GNG12: variants seen among roughly 807,000 people sequenced by gnomAD.
GNG12 encodes guanine nucleotide-binding protein G(I)/G(S)/G(O) subunit gamma-12.
For missense variants in GNG12, 69 were observed against 83.8 expected, an observed-to-expected ratio of 0.82 and a Z score of 0.69; for synonymous variants, 28 against 29.7, an observed-to-expected ratio of 0.94 and a Z score of 0.19.
At chr1:67,740,084 T>A (rs1570502914) in intron 2 of GNG12, among the ~76,000 whole-genome samples, 1 of 152,330 alleles carries the variant, frequency 6.6e-6, no homozygotes, top group East Asian at 1.9e-4. Context: ...AAGGCATGAT[T>A]TTTCAAGATT....
rs149325016 is a variant in GNG12 at position 67,830,373 on chromosome 1, T to C, written c.-77+2971A>G. On this transcript the variant is annotated intron_variant, in intron 1 of 3. Coordinates refer to ENST00000370982, the MANE Select transcript of GNG12 (RefSeq NM_018841.6). Reference sequence around the variant, plus strand: ...TCAACAATGTGATGAGTAGATTTCCTGAATTAACTGAACACCCAATCTCAT... The same window carrying C: ...TCAACAATGTGATGAGTAGATTTCCCGAATTAACTGAACACCCAATCTCAT... Among the ~76,000 whole-genome samples the C allele has an allele frequency of 2.2e-3, 330 of 152,320 alleles. 2 individuals are homozygous for C. Among genetic ancestry groups the C allele is most frequent in the African/African-American group, 7.3e-3 (303 of 41,570 alleles).
intron 2 of GNG12, among the ~76,000 whole-genome samples, chr1:67,715,500 T>C (rs1646320400): frequency 1.3e-5 from 2 of 152,108 alleles, no homozygotes; most frequent in South Asian, 4.1e-4. Context: ...CTTGGGTTAT[T>C]TCTGCTGACA....
At chr1:67,712,094 T>A (rs1646299017) in intron 2 of GNG12, among the ~76,000 whole-genome samples, 1 of 152,228 alleles carries the variant, frequency 6.6e-6, no homozygotes, top group South Asian at 2.1e-4. Flanking sequence ...ACAGCTGGGC[T>A]GTGCACAACA....
At chr1:67,786,470 A>C (rs1360378074) in intron 1 of GNG12, among the ~76,000 whole-genome samples, 1 of 152,162 alleles carries the variant, frequency 6.6e-6, no homozygotes, top group Non-Finnish European at 1.5e-5. Flanking sequence ...TGGAGGGACA[A>C]TGACAGACAG....
At chr1:67,712,532 A>G (rs1646301407) in intron 2 of GNG12, among the ~76,000 whole-genome samples, 1 of 152,148 alleles carries the variant, frequency 6.6e-6, no homozygotes, top group South Asian at 2.1e-4. Context: ...TCTACAAATA[A>G]TAACAAAAAT....
At chr1:67,822,437 T>G (rs1379647398) in intron 1 of GNG12, among the ~76,000 whole-genome samples, 3 of 152,022 alleles carry the variant, frequency 2.0e-5, no homozygotes, top group African/African-American at 7.2e-5. Context: ...TAGGTACCCC[T>G]TCTAGGTACT....
intron 2 of GNG12, among the ~76,000 whole-genome samples, chr1:67,758,319 C>T (rs1416309141): frequency 1.3e-5 from 2 of 152,190 alleles, no homozygotes; most frequent in Non-Finnish European, 2.9e-5. Context: ...AATAAACAAA[C>T]AACCAAACCC....
At chr1:67,800,601 T>C (rs1248129302) in intron 1 of GNG12, among the ~76,000 whole-genome samples, 1 of 152,210 alleles carries the variant, frequency 6.6e-6, no homozygotes, top group Non-Finnish European at 1.5e-5. Flanking sequence ...CCTTATTATG[T>C]CACAGAGAAT....
At chr1:67,811,441 CA>C (rs1369754802) in intron 1 of GNG12, among the ~76,000 whole-genome samples, 1 of 152,140 alleles carries the variant, frequency 6.6e-6, no homozygotes, top group African/African-American at 2.4e-5. Flanking sequence ...ACCATAATTA[CA>C]AGGCAAACCC....
At chr1:67,760,373 C>T (rs902785438) in intron 2 of GNG12, among the ~76,000 whole-genome samples, 8 of 152,176 alleles carry the variant, frequency 5.3e-5, no homozygotes, top group Non-Finnish European at 8.8e-5. Context: ...GTTGGTAGGT[C>T]AATCAGTTCA....
intron 1 of GNG12, among the ~76,000 whole-genome samples, chr1:67,811,422 A>G (rs943545581): frequency 2.6e-5 from 4 of 152,142 alleles, no homozygotes; most frequent in Admixed American, 2.6e-4. Flanking sequence ...CACAACACTA[A>G]GCGATTCAAC....
intron 2 of GNG12, among the ~76,000 whole-genome samples, chr1:67,717,039 C>T (rs1646329366): frequency 6.6e-6 from 1 of 152,074 alleles, no homozygotes; most frequent in Non-Finnish European, 1.5e-5. Flanking sequence ...ACCTGGGGCA[C>T]TTGTTTAAGA....
intron 2 of GNG12, among the ~76,000 whole-genome samples, chr1:67,761,569 T>C (rs1570523168): frequency 6.6e-6 from 1 of 152,322 alleles, no homozygotes; most frequent in East Asian, 1.9e-4. Flanking sequence ...ACAACATTGC[T>C]TTGGGGTAAT....
intron 1 of GNG12, among the ~76,000 whole-genome samples, chr1:67,815,614 C>T (rs1268169561): frequency 6.6e-6 from 1 of 152,086 alleles, no homozygotes; most frequent in Non-Finnish European, 1.5e-5. Flanking sequence ...TTTGTTTTTA[C>T]CTAGCAGCAT....
intron 2 of GNG12, among the ~76,000 whole-genome samples, chr1:67,711,026 C>A (rs1291479809): frequency 6.6e-6 from 1 of 152,198 alleles, no homozygotes; most frequent in African/African-American, 2.4e-5. Context: ...TCTGCTACCC[C>A]TCTCAGGCTC....
At chr1:67,778,175 A>C (rs931207011) in intron 1 of GNG12, among the ~76,000 whole-genome samples, 21 of 151,340 alleles carry the variant, frequency 1.4e-4, no homozygotes, top group Non-Finnish European at 2.9e-5. Flanking sequence ...GCCACATTTA[A>C]AAAGCAAAAA....
intron 2 of GNG12, among the ~76,000 whole-genome samples, chr1:67,717,200 G>C (rs1646330257): frequency 6.6e-6 from 1 of 152,092 alleles, no homozygotes; most frequent in Admixed American, 6.6e-5. Context: ...CCTGCCTGGG[G>C]ATTAAAAAAT....
At chr1:67,777,891 A>G (rs1646715382) in intron 1 of GNG12, among the ~76,000 whole-genome samples, 2 of 152,204 alleles carry the variant, frequency 1.3e-5, no homozygotes, top group Non-Finnish European at 2.9e-5. Flanking sequence ...GTGGTCCAAC[A>G]TAACTTGAAG....
chr1:67,744,156 GA>G (rs1289859641), intron 2 of GNG12, among the ~76,000 whole-genome samples: 1 of 152,190 alleles, frequency 6.6e-6, no homozygotes, highest in Non-Finnish European at 1.5e-5. Flanking sequence ...CTAACCCTAT[GA>G]GGGGGTACTT....
Sources: allele counts gnomAD v4.1 joint callset (sites outside exome capture counted in the v4.1 genomes callset), GRCh38; gene constraint gnomAD v4.1.1; transcripts MANE v1.5; gene names NCBI Gene and HGNC (gene_info 2026-07-23, HGNC 2026-07-21).